GSTT4: variants seen among roughly 807,000 people sequenced by gnomAD.
GSTT4 encodes glutathione S-transferase theta 4.
At chr22:23,989,901 C>T in the GSTT4 span, among the ~76,000 whole-genome samples, 4,367 of 149,794 alleles carry the variant, frequency 0.029, 6 homozygotes, top group African/African-American at 0.1. Context: ...AATGGACATG[C>T]ACACCCCTGC....
At chr22:23,990,275 A>G in the GSTT4 span, among the ~76,000 whole-genome samples, 326 of 81,500 alleles carry the variant, frequency 4.0e-3, no homozygotes, top group Middle Eastern at 9.3e-3. Context: ...AGATGCAGGA[A>G]AAAGAAAAGG....
chr22:23,996,066 C>G (rs2034112425), downstream of GSTT4, among the ~76,000 whole-genome samples: 1 of 152,044 alleles, frequency 6.6e-6, no homozygotes, highest in South Asian at 2.1e-4. Flanking sequence ...GCCTTTGCCT[C>G]CTGAGTAGCT....
chr22:24,002,368 C>A (rs1024822142), intron 2 of GSTT4, among the ~76,000 whole-genome samples: 1 of 152,234 alleles, frequency 6.6e-6, no homozygotes, highest in Non-Finnish European at 1.5e-5. Flanking sequence ...AGACATGCTT[C>A]GGAGGGGATG....
the GSTT4 span, among the ~76,000 whole-genome samples, chr22:23,989,686 C>T: frequency 3.3e-5 from 5 of 151,238 alleles, no homozygotes; most frequent in African/African-American, 9.7e-5. Flanking sequence ...ACTCAGCCCC[C>T]GGTGGCTCAG....
chr22:23,999,158 G>C (rs539828935), intron 4 of GSTT4, among the ~76,000 whole-genome samples: 4 of 152,206 alleles, frequency 2.6e-5, no homozygotes, highest in African/African-American at 9.6e-5. Context: ...GCTAGGATGG[G>C]AGACCTGGCG....
Position 23,999,856 on chromosome 22 carries a change from G to A in GSTT4, c.528+219C>T, listed in dbSNP as rs2034187313. 2.6e-5 allele frequency among the ~76,000 whole-genome samples: 4 copies of A among 152,120 alleles called. No homozygotes were observed. The South Asian group carries it at 8.3e-4, about 32-fold the overall frequency. On this transcript the variant is annotated intron_variant, in intron 4 of 4. Coordinates refer to ENST00000621179, the MANE Select transcript of GSTT4 (RefSeq NM_001358664.2). Reference sequence around the variant, plus strand: ...GGTCCTCCCACACCGAAGAATCTTTGTCAAGTGTGGAGAACTGTGATCCTT... The same window carrying A: ...GGTCCTCCCACACCGAAGAATCTTTATCAAGTGTGGAGAACTGTGATCCTT...
At chr22:23,994,108 A>G (rs1301312596), downstream of GSTT4, among the ~76,000 whole-genome samples, 1 of 152,024 alleles carries the variant, frequency 6.6e-6, no homozygotes, top group African/African-American at 2.4e-5. Context: ...TTTTTGTTTT[A>G]TATTTTGAGA....
downstream of GSTT4, among the ~76,000 whole-genome samples, chr22:23,997,804 GC>G (rs1601571138): frequency 6.6e-6 from 1 of 152,106 alleles, no homozygotes; most frequent in Non-Finnish European, 1.5e-5. Context: ...TGTGTTTACA[GC>G]TATAAATTTT....
chr22:23,999,678 G>C (rs1201139309), intron 4 of GSTT4, among the ~76,000 whole-genome samples: 1 of 136,276 alleles, frequency 7.3e-6, no homozygotes, highest in African/African-American at 2.9e-5. Flanking sequence ...AGAGCTGTCT[G>C]TCTGGAGCTC....
the GSTT4 span, among the ~76,000 whole-genome samples, chr22:23,989,997 G>T: frequency 1.3e-5 from 2 of 150,794 alleles, no homozygotes; most frequent in Admixed American, 1.3e-4. Context: ...GGCAGCAGTT[G>T]GGAAGAGTCA....
chr22:24,005,407 GGGCCTATGTCT>G lies in GSTT4; in HGVS notation c.-62_-52del, dbSNP rs1428135529. 6.5e-6 allele frequency: 1 copy of G among 153,466 alleles called. No homozygotes were observed. The highest frequency in any genetic ancestry group is 1.9e-4 in the East Asian group (1 of 5,210). The allele number at this position is 153,466 out of a possible 1,614,324, so 9.5% of individuals were successfully genotyped here. On this transcript the variant is annotated 5_prime_UTR_variant, in exon 1 of 5. Transcript: ENST00000621179. ...GCCGCAGTTGGCCAGCCACAGACCT[GGGCCTATGTCT>G]GGCCAGAGTCCCTGGCCCTGTGCCC...
intron 4 of GSTT4, among the ~76,000 whole-genome samples, chr22:23,998,986 G>T (rs1391121065): frequency 6.6e-6 from 1 of 152,238 alleles, no homozygotes; most frequent in Non-Finnish European, 1.5e-5. Flanking sequence ...ATGCTGAGAG[G>T]GCTCCTGGCC....
At chr22:24,000,514 G>A (rs2034206512) in intron 3 of GSTT4, among the ~76,000 whole-genome samples, 2 of 133,464 alleles carry the variant, frequency 1.5e-5, no homozygotes, top group East Asian at 2.0e-4. Context: ...AGAGACACAT[G>A]TACTGGTTAT....
chr22:24,001,754 T>TG, intron 2 of GSTT4, among the ~76,000 whole-genome samples: 1 of 152,342 alleles, frequency 6.6e-6, no homozygotes, highest in East Asian at 1.9e-4. Context: ...GGGAGGCCAA[T>TG]GGGGGCAGAT....
At chr22:24,003,270 G>A (rs907444791) in intron 2 of GSTT4, among the ~76,000 whole-genome samples, 4 of 52,086 alleles carry the variant, frequency 7.7e-5, no homozygotes, top group South Asian at 7.7e-4. Flanking sequence ...GAAGTGCAAC[G>A]ACGCAGTCTT....
downstream of GSTT4, among the ~76,000 whole-genome samples, chr22:23,995,700 AT>A (rs1340087046): frequency 6.6e-6 from 1 of 152,178 alleles, no homozygotes; most frequent in African/African-American, 2.4e-5. Context: ...AGCAGGACTC[AT>A]TCTGTTGAAC....
At chr22:23,992,391 T>C in the GSTT4 span, among the ~76,000 whole-genome samples, 1 of 50,820 alleles carries the variant, frequency 2.0e-5, no homozygotes, top group Non-Finnish European at 4.6e-5. Context: ...CAAGCAAGGA[T>C]GTGGGATAGT....
intron 2 of GSTT4, among the ~76,000 whole-genome samples, chr22:24,003,273 G>T (rs1320150399): frequency 0.12 from 7,901 of 64,440 alleles, no homozygotes; most frequent in South Asian, 0.21. Context: ...GTGCAACGAC[G>T]CAGTCTTGGC....
intron 2 of GSTT4, among the ~76,000 whole-genome samples, chr22:24,003,193 C>T (rs2034274576): frequency 6.6e-6 from 1 of 150,696 alleles, no homozygotes; most frequent in African/African-American, 2.4e-5. Context: ...TGTTCCTAAA[C>T]ATTTATTGAT....
Sources: gnomAD v4.1 joint callset for allele counts (sites outside exome capture counted in the v4.1 genomes callset) on GRCh38, gnomAD v4.1.1 for gene constraint, MANE v1.5 for transcripts, NCBI Gene and HGNC (gene_info 2026-07-23, HGNC 2026-07-21) for gene names.